RBBP9: variants seen among roughly 807,000 people sequenced by gnomAD.
RBBP9 encodes the protein serine hydrolase RBBP9.
A neutral mutation model predicts 24.2 loss-of-function variants in RBBP9; 20 were observed. That is an observed-to-expected ratio of 0.83 (90% CI 0.58 to 1.20). The LOEUF (loss-of-function observed/expected upper bound fraction) is 1.20, where lower values mean the gene tolerates loss of function less well. Among genes scored for constraint, RBBP9 ranks in the 50% most tolerant of loss-of-function variants. The pLI is 0.00. For synonymous variants in RBBP9, 74 were observed against 84.6 expected (o/e 0.87, Z 0.69); for missense variants, 234 against 233.6 (o/e 1.00, Z -0.01).
At chr20:18,493,809 A>T in intron 3 of RBBP9, 149 bp downstream of exon 3, 1 of 591,710 alleles carries the variant, frequency 1.7e-6, no homozygotes, top group East Asian at 3.3e-5. Flanking sequence ...CACTAGCAAA[A>T]CCAGGAAGGA....
chr20:18,494,862 G>A (rs2424220), intron 2 of RBBP9, among the ~76,000 whole-genome samples: 152,164 of 152,360 alleles, frequency 1, 75,985 homozygotes, highest in Middle Eastern at 1. Flanking sequence ...CTCAAGTATA[G>A]TACCCACAAA....
chr20:18,493,486 T>C (rs910008687), intron 3 of RBBP9, among the ~76,000 whole-genome samples: 7 of 152,122 alleles, frequency 4.6e-5, no homozygotes, highest in South Asian at 2.1e-4. Flanking sequence ...AGCCATTTCA[T>C]ATGGAGTGAT....
chr20:18,491,507 A>G (rs1313033420), intron 3 of RBBP9, among the ~76,000 whole-genome samples: 1 of 152,182 alleles, frequency 6.6e-6, no homozygotes, highest in East Asian at 1.9e-4. Context: ...GATGCAATGC[A>G]TAATCCTTGA....
rs1355902482 is a variant in RBBP9, at chr20:18,489,406, G to C, written c.*358C>G. The C allele has an allele frequency of 1.2e-5, 2 of 161,744 alleles. No homozygotes were observed. The highest frequency in any genetic ancestry group is 1.3e-5 in the Non-Finnish European group (1 of 74,612). 10.0% of individuals were successfully genotyped at this position (161,744 alleles called of 1,614,324 possible). On this transcript the variant is annotated 3_prime_UTR_variant, in exon 5 of 5. Coordinates refer to ENST00000337227, the MANE Select transcript of RBBP9 (RefSeq NM_006606.3). ...AAATAGAAAAGTTTGATTTCAAAGAGGAAAAGTGTGCAATACCTGCAACAT... is the reference window on the plus strand; with the variant it reads ...AAATAGAAAAGTTTGATTTCAAAGACGAAAAGTGTGCAATACCTGCAACAT...
rs146491095 is a variant in RBBP9 at position 18,490,605 on chromosome 20, T to C, written c.249-125A>G. 5,862 of 615,788 alleles carry C rather than the reference T, an allele frequency of 9.5e-3. 336 individuals are homozygous for C. In the Admixed American group the frequency reaches 0.12, roughly 12 times the overall value. 38.1% of individuals were successfully genotyped at this position (615,788 alleles called of 1,614,324 possible). On this transcript the variant is annotated intron_variant, in intron 3 of 4. Coordinates refer to ENST00000337227, the MANE Select transcript of RBBP9 (RefSeq NM_006606.3). ...AAGCACGTGCTACCTGCTGTTGAGG[T>C]TGATGTGAAAAATGGCAAGGAAACT...
rs1446801599 is a variant in RBBP9, at chr20:18,486,863, C to A, written c.*2901G>T. 1 of 152,140 alleles carries A rather than the reference C, an allele frequency of 6.6e-6. No individual in the cohort carries two copies. Among genetic ancestry groups the A allele is most frequent in the Admixed American group, 6.5e-5 (1 of 15,274 alleles). The allele number at this position is 152,140 out of a possible 1,614,324, so 9.4% of individuals were successfully genotyped here. On this transcript the variant is annotated 3_prime_UTR_variant, in exon 5 of 5. Coordinates refer to ENST00000337227, the MANE Select transcript of RBBP9 (RefSeq NM_006606.3). Reference sequence around the variant, plus strand: ...TCAAACAGAAATCAGAAATGACAGTCCATGGCTCTATGGTTTTTAATGAAT... The same window carrying A: ...TCAAACAGAAATCAGAAATGACAGTACATGGCTCTATGGTTTTTAATGAAT...
intron 3 of RBBP9, among the ~76,000 whole-genome samples, chr20:18,492,663 G>T (rs919465673): frequency 9.9e-5 from 15 of 152,108 alleles, no homozygotes; most frequent in African/African-American, 3.6e-4. Flanking sequence ...TCATCTGTAG[G>T]GTAGTCCTCT....
rs1460785333 is a variant in RBBP9, at chr20:18,488,257, T to C, written c.*1507A>G. ...TGGGAAATGAAAAAGGGTGGGTTTT[T>C]TTAATTAAAAAAAAATTTTTTTTTT... On this transcript the variant is annotated 3_prime_UTR_variant, in exon 5 of 5. Transcript: ENST00000337227. The C allele has an allele frequency of 2.0e-5, 3 of 152,064 alleles. No individual in the cohort carries two copies. The highest frequency in any genetic ancestry group is 4.4e-5 in the Non-Finnish European group (3 of 68,024). The allele number at this position is 152,064 out of a possible 1,614,324, so 9.4% of individuals were successfully genotyped here. A position where few individuals can be genotyped will look rare whatever the true frequency, so the allele number is the denominator to read the frequency against.
chr20:18,493,391 A>G (rs2059872543), intron 3 of RBBP9, among the ~76,000 whole-genome samples: 1 of 152,228 alleles, frequency 6.6e-6, no homozygotes, highest in Non-Finnish European at 1.5e-5. Flanking sequence ...GGCAGGAGAC[A>G]GACAAGAAAT....
rs767141832 is a variant in RBBP9 at position 18,487,832 on chromosome 20, G to A, written c.*1932C>T. The A allele has an allele frequency of 6.6e-6, 1 of 152,204 alleles. No individual in the cohort carries two copies. Among genetic ancestry groups the A allele is most frequent in the African/African-American group, 2.4e-5 (1 of 41,444 alleles). The allele number at this position is 152,204 out of a possible 1,614,324, so 9.4% of individuals were successfully genotyped here. ...CCAGGCGTGGTGGCACATGCCTTTA[G>A]TTCACACTACTTGGGAGGCTGAGAT... On this transcript the variant is annotated 3_prime_UTR_variant, in exon 5 of 5. Transcript: ENST00000337227.
At position 18,489,624 on chromosome 20, in the gene RBBP9, TA is replaced by T; in HGVS notation, c.*139del. 1 of 609,894 alleles carries T rather than the reference TA, an allele frequency of 1.6e-6. No homozygotes were observed. Among genetic ancestry groups the T allele is most frequent in the East Asian group, 2.8e-5 (1 of 35,650 alleles). 37.8% of individuals were successfully genotyped at this position (609,894 alleles called of 1,614,324 possible). A position where few individuals can be genotyped will look rare whatever the true frequency, so the allele number is the denominator to read the frequency against. On this transcript the variant is annotated 3_prime_UTR_variant, in exon 5 of 5. Coordinates refer to ENST00000337227, the MANE Select transcript of RBBP9 (RefSeq NM_006606.3). ...GAAAATGGAAGTGCTATTTGTAACT[TA>T]GATTGAATGTTGAAACTTGTGTTTG...
At chr20:18,492,612 T>G (rs1004635720) in intron 3 of RBBP9, among the ~76,000 whole-genome samples, 2 of 152,222 alleles carry the variant, frequency 1.3e-5, no homozygotes, top group African/African-American at 4.8e-5. Context: ...TCCACCTGAT[T>G]TCTCCATTGG....
At chr20:18,493,696 A>C (rs1024630322) in intron 3 of RBBP9, among the ~76,000 whole-genome samples, 5 of 152,218 alleles carry the variant, frequency 3.3e-5, no homozygotes, top group South Asian at 2.1e-4. Flanking sequence ...GTAGAGACAG[A>C]ATCAGAGCTG....
At chr20:18,494,114 A>G in intron 2 of RBBP9, 51 bp from the exon 3 acceptor site, 1 of 1,413,284 alleles carries the variant, frequency 7.1e-7, no homozygotes, top group Non-Finnish European at 1.0e-6. Context: ...TGGCAGTCTG[A>G]ATCCAACGCT....
At chr20:18,496,125 C>T (rs2059886025) in intron 1 of RBBP9, among the ~76,000 whole-genome samples, 1 of 152,234 alleles carries the variant, frequency 6.6e-6, no homozygotes, top group African/African-American at 2.4e-5. Flanking sequence ...TTTGCCTCTA[C>T]AGGCCTGCAT....
In RBBP9 at chr20:18,489,975, G is replaced by A. The variant is rs774945907; in HGVS notation, c.350C>T (p.Pro117Leu). The part of the protein sequence containing the change: ...NERASGYFTR[P>L]WQWEKIKANC... ...GGCCTTGATCTTCTCCCACTGCCAG[G>A]GGCGGGTGAAGTATCCTATGGGGAA... The change falls in exon 5 of 5, where the codon CCC becomes CTC. Residue 117 changes from proline (P) to leucine (L), a missense_variant. Physicochemically the swap from Pro to Leu is moderately conservative, Grantham distance 98. Coordinates refer to ENST00000337227, the MANE Select transcript of RBBP9 (RefSeq NM_006606.3). 1.1e-5 allele frequency: 17 copies of A among 1,602,832 alleles called. No individual in the cohort carries two copies. The highest frequency in any genetic ancestry group is 2.7e-5 in the African/African-American group (2 of 74,742).
intron 2 of RBBP9, 108 bp downstream of exon 2, chr20:18,495,730 A>G: frequency 1.9e-6 from 2 of 1,033,634 alleles, no homozygotes; most frequent in Non-Finnish European, 3.0e-6. Flanking sequence ...TCTTAGGTAT[A>G]TAGGCATCTT....
At chr20:18,490,136 G>C in intron 4 of RBBP9, 146 bp from the exon 5 acceptor site, 1 of 668,202 alleles carries the variant, frequency 1.5e-6, no homozygotes, top group South Asian at 2.0e-5. Flanking sequence ...TTTCAAATCT[G>C]TAGGGCTTGA....
chr20:18,496,397 G>T (rs745596964), intron 1 of RBBP9, among the ~76,000 whole-genome samples: 1 of 152,054 alleles, frequency 6.6e-6, no homozygotes, highest in Non-Finnish European at 1.5e-5. Context: ...ACAGAAGAGG[G>T]TTAAAAAATA....
Sources: allele counts gnomAD v4.1 joint callset (sites outside exome capture counted in the v4.1 genomes callset), GRCh38; gene constraint gnomAD v4.1.1; transcripts MANE v1.5; gene names NCBI Gene and HGNC (gene_info 2026-07-23, HGNC 2026-07-21).